The following NKAPD1 variants were observed in gnomAD, a reference collection of about 807,000 sequenced individuals.
NKAPD1 encodes the protein uncharacterized protein NKAPD1.
In NKAPD1, 12 loss-of-function variants were observed where a neutral mutation model predicts 30.9. That is an observed-to-expected ratio of 0.39 (90% CI 0.25 to 0.63). NKAPD1 has a LOEUF of 0.63. Among genes scored for constraint, NKAPD1 ranks in the 20% least tolerant of loss-of-function variants. The pLI is 0.51. For synonymous variants in NKAPD1, 91 were observed against 113.6 expected (o/e 0.80, Z 1.26); for missense variants, 311 against 344.5 (o/e 0.90, Z 0.77).
intron 4 of NKAPD1, chr11:112,081,495 T>C (rs995808407): frequency 6.4e-6 from 1 of 155,864 alleles, no homozygotes; most frequent in Non-Finnish European, 1.4e-5. Context: ...TAGCCAGGCA[T>C]GGTAGCATGT....
chr11:112,080,676 G>A (rs1865429594), intron 4 of NKAPD1, 118 bp downstream of exon 4: 1 of 1,190,290 alleles, frequency 8.4e-7, no homozygotes, highest in Non-Finnish European at 1.2e-6. Context: ...ATTAATAATG[G>A]CCCCAAAAAA....
rs569031907 is a variant in NKAPD1 at position 112,074,618 on chromosome 11, G to C, written c.-307G>C. ...CCCGGGGTTCGTCCTAGAGGAGCGT[G>C]AGCGGGGAATGCCCAGGTCAACCGG... On this transcript the variant is annotated 5_prime_UTR_variant, in exon 1 of 6. Transcript: ENST00000393047. 12 of 397,558 alleles carry C rather than the reference G, an allele frequency of 3.0e-5. No homozygotes were observed. In the South Asian group the frequency reaches 1.5e-3, roughly 49 times the overall value. The allele number at this position is 397,558 out of a possible 1,614,324, so 24.6% of individuals were successfully genotyped here.
intron 2 of NKAPD1, 85 bp downstream of exon 2, chr11:112,075,728 C>A: frequency 7.2e-7 from 1 of 1,382,130 alleles, no homozygotes; most frequent in Non-Finnish European, 9.9e-7. Flanking sequence ...CTGGGAGATA[C>A]AAAGAATATT....
rs139932339 is a variant in NKAPD1, at chr11:112,074,662, C to T, written c.-263C>T. On this transcript the variant is annotated 5_prime_UTR_variant, in exon 1 of 6. Coordinates refer to ENST00000393047, the MANE Select transcript of NKAPD1 (RefSeq NM_018195.4). ...CAACCGGGCTGTCCGAATTCCGCCC[C>T]GGCTCAGCCTCCGGCCTCAGTCCGG... 61 of 395,850 alleles carry T rather than the reference C, an allele frequency of 1.5e-4. No individual in the cohort carries two copies. The highest frequency in any genetic ancestry group is 1.2e-3 in the African/African-American group (59 of 48,688). 24.5% of individuals were successfully genotyped at this position (395,850 alleles called of 1,614,324 possible).
At chr11:112,076,898 G>C (rs1246015446) in intron 2 of NKAPD1, among the ~76,000 whole-genome samples, 1 of 152,226 alleles carries the variant, frequency 6.6e-6, no homozygotes, top group African/African-American at 2.4e-5. Flanking sequence ...AATTAGTTTG[G>C]TTTTCAACAT....
Position 112,082,571 on chromosome 11 carries a change from A to G in NKAPD1, c.481A>G (p.Lys161Glu). Residue 161 changes from lysine to glutamate, a missense_variant, in exon 6 of 6, where the codon AAG (lysine) becomes GAG (glutamate). Transcript: ENST00000393047. ...GAAGTCAAAGAAATCCCACAAAAAA[A>G]AGCAGAAAAAAAGGTCACACAAAAA... The part of the protein sequence containing the change: ...HKKSKKSHKK[K>E]QKKRSHKKQK... The G allele has an allele frequency of 1.2e-6, 2 of 1,613,302 alleles. No homozygotes were observed. The highest frequency in any genetic ancestry group is 1.7e-6 in the Non-Finnish European group (2 of 1,179,914).
Position 112,082,431 on chromosome 11 carries a change from A to G in NKAPD1, c.375-34A>G, listed in dbSNP as rs1318128816. On this transcript the variant is annotated intron_variant, in intron 5 of 5. Transcript: ENST00000393047. ...TTAAAATAATACGCTTTTTTTTTAC[A>G]TAAAAGCTTCTATTTTTTAACTTTT... is the stretch of plus-strand genomic sequence containing the variant. 6 of 1,457,968 alleles carry G rather than the reference A, an allele frequency of 4.1e-6. No individual in the cohort carries two copies. The East Asian group carries it at 1.4e-4, about 35-fold the overall frequency. The allele number at this position is 1,457,968 out of a possible 1,614,324, so 90.3% of individuals were successfully genotyped here.
intron 2 of NKAPD1, among the ~76,000 whole-genome samples, chr11:112,076,675 C>T (rs1413493899): frequency 6.6e-6 from 1 of 152,144 alleles, no homozygotes; most frequent in East Asian, 1.9e-4. Context: ...AAGAAAATCA[C>T]ATTGAGTAGG....
In NKAPD1 at chr11:112,083,922, T is replaced by G. The variant is rs1479952327; in HGVS notation, c.*950T>G. On this transcript the variant is annotated 3_prime_UTR_variant, in exon 6 of 6. Coordinates refer to ENST00000393047, the MANE Select transcript of NKAPD1 (RefSeq NM_018195.4). ...GGGACATATCCACTTCTTCCCAGTC[T>G]GCCTTTGGATTAAAGCACCAAGCAG... 1 of 152,622 alleles carries G rather than the reference T, an allele frequency of 6.6e-6. No individual in the cohort carries two copies. The highest frequency in any genetic ancestry group is 1.5e-5 in the Non-Finnish European group (1 of 68,036). The allele number at this position is 152,622 out of a possible 1,614,324, so 9.5% of individuals were successfully genotyped here.
At position 112,084,156 on chromosome 11, in the gene NKAPD1, C is replaced by T. The variant is rs1304383566; in HGVS notation, c.*1184C>T. On this transcript the variant is annotated 3_prime_UTR_variant, in exon 6 of 6. Coordinates refer to ENST00000393047, the MANE Select transcript of NKAPD1 (RefSeq NM_018195.4). ...CTCAGACTTTCGGTCTTGGTTCTGC[C>T]ACTCATTGGTTATGAGGAGGCCCAG... The T allele has an allele frequency of 5.2e-5, 8 of 152,590 alleles. No individual in the cohort carries two copies. Among genetic ancestry groups the T allele is most frequent in the Admixed American group, 5.2e-4 (8 of 15,266 alleles). The allele number at this position is 152,590 out of a possible 1,614,324, so 9.5% of individuals were successfully genotyped here. A position where few individuals can be genotyped will look rare whatever the true frequency, so the allele number is the denominator to read the frequency against.
At chr11:112,082,240 A>G (rs1421164967) in intron 5 of NKAPD1, 1 of 689,034 alleles carries the variant, frequency 1.5e-6, no homozygotes, top group Non-Finnish European at 2.4e-6. Flanking sequence ...TTTTATATAT[A>G]GTATTCCATA....
chr11:112,077,461 T>G (rs1156365852), intron 2 of NKAPD1, among the ~76,000 whole-genome samples: 2 of 152,248 alleles, frequency 1.3e-5, no homozygotes, highest in Non-Finnish European at 2.9e-5. Context: ...TTTAAAGACC[T>G]GTCCTTACTA....
Position 112,084,091 on chromosome 11 carries a change from C to A in NKAPD1, c.*1119C>A, listed in dbSNP as rs910081805. 1.3e-5 allele frequency: 2 copies of A among 152,568 alleles called. No individual in the cohort carries two copies. The highest frequency in any genetic ancestry group is 2.9e-5 in the Non-Finnish European group (2 of 68,020). 9.5% of individuals were successfully genotyped at this position (152,568 alleles called of 1,614,324 possible). ...AAGATCAAGTGACGTATTATTTTTT[C>A]CTGGTTGTCACTTAATGGGCTGAGT... On this transcript the variant is annotated 3_prime_UTR_variant, in exon 6 of 6. Transcript: ENST00000393047.
chr11:112,078,708 C>T (rs1379430364), intron 3 of NKAPD1, among the ~76,000 whole-genome samples: 1 of 152,160 alleles, frequency 6.6e-6, no homozygotes, highest in Non-Finnish European at 1.5e-5. Flanking sequence ...CAGGTGCATG[C>T]CACTATGCCT....
intron 2 of NKAPD1, 31 bp downstream of exon 2, chr11:112,075,674 G>A (rs1049890081): frequency 8.8e-6 from 14 of 1,597,978 alleles, no homozygotes; most frequent in African/African-American, 4.1e-5. Flanking sequence ...ACTCCTCAAC[G>A]CTTACTGAAG....
At chr11:112,082,430 C>T in intron 5 of NKAPD1, 35 bp from the exon 6 acceptor site, 1 of 1,433,166 alleles carries the variant, frequency 7.0e-7, no homozygotes, top group Non-Finnish European at 9.3e-7. Context: ...TTTTTTTTTA[C>T]ATAAAAGCTT....
chr11:112,082,409 AAAT>A, intron 5 of NKAPD1, 53 bp from the exon 6 acceptor site: 3 of 1,380,598 alleles, frequency 2.2e-6, no homozygotes, highest in South Asian at 1.7e-5. Context: ...CAAAATATTA[AAAT>A]AATACGCTTT....
intron 4 of NKAPD1, chr11:112,080,773 G>A (rs1865432321): frequency 3.8e-6 from 2 of 530,390 alleles, no homozygotes; most frequent in Non-Finnish European, 6.6e-6. Context: ...TTATTTGGCA[G>A]TAAAAGAAAT....
chr11:112,080,605 G>A, intron 4 of NKAPD1, 47 bp downstream of exon 4: 2 of 1,572,284 alleles, frequency 1.3e-6, no homozygotes, highest in Admixed American at 1.9e-5. Flanking sequence ...CTGAGAACGT[G>A]TACTTATCAA....
Sources: gnomAD v4.1 joint callset for allele counts (sites outside exome capture counted in the v4.1 genomes callset) on GRCh38, gnomAD v4.1.1 for gene constraint, MANE v1.5 for transcripts, NCBI Gene and HGNC (gene_info 2026-07-23, HGNC 2026-07-21) for gene names.